EDIL3: variants seen among roughly 807,000 people sequenced by gnomAD.
The protein encoded by EDIL3 is EGF-like repeat and discoidin I-like domain-containing protein 3.
A neutral mutation model predicts 67.4 loss-of-function variants in EDIL3; 37 were observed. The ratio of observed to expected loss-of-function variants is 0.55; its 90% CI spans 0.42 to 0.72. EDIL3 has a LOEUF of 0.72. Ranked by LOEUF, EDIL3 falls within the 30% of genes least tolerant of loss-of-function variation. The pLI is 0.00. For synonymous variants in EDIL3, 195 were observed against 196.3 expected (o/e 0.99, Z 0.05); for missense variants, 527 against 586.3 (o/e 0.90, Z 1.04).
intron 3 of EDIL3, among the ~76,000 whole-genome samples, chr5:84,220,924 A>G (rs1222060935): frequency 1.7e-5 from 2 of 116,122 alleles, no homozygotes; most frequent in East Asian, 5.2e-4. Context: ...TGTTAATACT[A>G]AGATAAATTT....
intron 9 of EDIL3, among the ~76,000 whole-genome samples, chr5:84,054,393 T>A (rs1269096594): frequency 1.3e-5 from 2 of 152,140 alleles, no homozygotes; most frequent in African/African-American, 2.4e-5. Flanking sequence ...CTTTGAAAAC[T>A]GCCACAAGAC....
intron 4 of EDIL3, among the ~76,000 whole-genome samples, chr5:84,172,147 C>T (rs1748823314): frequency 6.6e-6 from 1 of 152,188 alleles, no homozygotes; most frequent in Non-Finnish European, 1.5e-5. Flanking sequence ...AGGAAAATTT[C>T]TCGATTCTAG....
chr5:83,954,757 T>C (rs1744484612), intron 10 of EDIL3, among the ~76,000 whole-genome samples: 1 of 151,802 alleles, frequency 6.6e-6, no homozygotes, highest in Admixed American at 6.6e-5. Flanking sequence ...TGACATAGTT[T>C]CTATCATACT....
In EDIL3 at chr5:84,238,673, T is replaced by TTTTTTG. The variant is rs1276500722; in HGVS notation, c.197-8790_197-8789insCAAAAA. ...AGGAGCTAAAATTAAATGTTTTTTTTTTTTTTTTTTCAGAATCATTAGGAC... is the reference window on the plus strand; with the variant it reads ...AGGAGCTAAAATTAAATGTTTTTTTTTTTTTGTTTTTTTTTTCAGAATCATTAGGAC... On this transcript the variant is annotated intron_variant, in intron 2 of 10. Transcript: ENST00000296591. 4.0e-5 allele frequency among the ~76,000 whole-genome samples: 6 copies of TTTTTTG among 148,926 alleles called. 2 individuals carry two copies. Among genetic ancestry groups the TTTTTTG allele is most frequent in the African/African-American group, 1.5e-4 (6 of 40,296 alleles).
chr5:84,077,175 G>T (rs991438610), intron 6 of EDIL3, among the ~76,000 whole-genome samples: 1 of 152,180 alleles, frequency 6.6e-6, no homozygotes, highest in East Asian at 1.9e-4. Context: ...TTGTGCCAAG[G>T]CACTAGCAGT....
intron 8 of EDIL3, among the ~76,000 whole-genome samples, chr5:84,062,659 T>C (rs1746567639): frequency 6.6e-6 from 1 of 152,110 alleles, no homozygotes; most frequent in South Asian, 2.1e-4. Context: ...TCTTCAAAAG[T>C]GTTTGAGAAG....
At chr5:84,239,604 A>G (rs1354899195) in intron 2 of EDIL3, among the ~76,000 whole-genome samples, 1 of 152,212 alleles carries the variant, frequency 6.6e-6, no homozygotes, top group Non-Finnish European at 1.5e-5. Context: ...TTCCTAGAGT[A>G]CTGGGAACTG....
intron 1 of EDIL3, among the ~76,000 whole-genome samples, chr5:84,350,989 C>G (rs1747345067): frequency 6.6e-6 from 1 of 152,058 alleles, no homozygotes; most frequent in Non-Finnish European, 1.5e-5. Context: ...GTATTTTACA[C>G]TCATGGCACA....
intron 1 of EDIL3, among the ~76,000 whole-genome samples, chr5:84,378,694 C>T (rs1362417177): frequency 1.3e-5 from 2 of 152,128 alleles, no homozygotes; most frequent in African/African-American, 2.4e-5. Context: ...GATGAAGCTT[C>T]AAGGCAAGTG....
At chr5:84,096,147 C>CG (rs534613163) in intron 6 of EDIL3, among the ~76,000 whole-genome samples, 2 of 152,096 alleles carry the variant, frequency 1.3e-5, no homozygotes, top group African/African-American at 2.4e-5. Context: ...AGAAGGGAAA[C>CG]GGGGGGTAAG....
At chr5:84,057,675 T>A (rs950865096) in intron 9 of EDIL3, among the ~76,000 whole-genome samples, 10 of 152,296 alleles carry the variant, frequency 6.6e-5, no homozygotes, top group East Asian at 1.9e-4. Context: ...AATGTATCTT[T>A]TAAATATTGA....
At chr5:84,362,485 C>G (rs1475501886) in intron 1 of EDIL3, among the ~76,000 whole-genome samples, 1 of 152,072 alleles carries the variant, frequency 6.6e-6, no homozygotes, top group Non-Finnish European at 1.5e-5. Context: ...CCTAATATGT[C>G]CAAATGACTT....
At chr5:84,348,118 T>C (rs1336995082) in intron 1 of EDIL3, among the ~76,000 whole-genome samples, 2 of 152,174 alleles carry the variant, frequency 1.3e-5, no homozygotes, top group East Asian at 3.8e-4. Flanking sequence ...ATTAAGCTAA[T>C]GAAGAGGGTG....
intron 1 of EDIL3, among the ~76,000 whole-genome samples, chr5:84,329,187 C>A (rs1307353459): frequency 6.6e-6 from 1 of 152,012 alleles, no homozygotes; most frequent in Non-Finnish European, 1.5e-5. Flanking sequence ...CTACTATTTT[C>A]ATCTTCTATT....
chr5:84,030,913 G>C (rs1393255447), intron 9 of EDIL3, among the ~76,000 whole-genome samples: 2 of 149,464 alleles, frequency 1.3e-5, no homozygotes, highest in African/African-American at 4.9e-5. Flanking sequence ...CAACTCCTTG[G>C]CTTAAAAAAA....
At chr5:84,036,097 A>G (rs1045876052) in intron 9 of EDIL3, among the ~76,000 whole-genome samples, 1 of 152,214 alleles carries the variant, frequency 6.6e-6, no homozygotes, top group Non-Finnish European at 1.5e-5. Flanking sequence ...AATCATTGAA[A>G]TCAGAACCAA....
At chr5:84,156,393 G>A (rs185973041) in intron 4 of EDIL3, among the ~76,000 whole-genome samples, 20 of 152,248 alleles carry the variant, frequency 1.3e-4, no homozygotes, top group African/African-American at 4.3e-4. Flanking sequence ...TTCCAGATCA[G>A]GGATGTAGGC....
intron 1 of EDIL3, among the ~76,000 whole-genome samples, chr5:84,350,991 C>T (rs1747345110): frequency 1.3e-5 from 2 of 152,050 alleles, no homozygotes; most frequent in Non-Finnish European, 2.9e-5. Context: ...ATTTTACACT[C>T]ATGGCACATA....
At chr5:83,954,516 G>T (rs1006957101) in intron 10 of EDIL3, among the ~76,000 whole-genome samples, 1 of 151,598 alleles carries the variant, frequency 6.6e-6, no homozygotes, top group Non-Finnish European at 1.5e-5. Context: ...CTCTTGCCAC[G>T]TGATGAGCCT....
Sources: gnomAD v4.1 joint callset for allele counts (sites outside exome capture counted in the v4.1 genomes callset) on GRCh38, gnomAD v4.1.1 for gene constraint, MANE v1.5 for transcripts, NCBI Gene and HGNC (gene_info 2026-07-23, HGNC 2026-07-21) for gene names.